ARSG: variants seen among roughly 807,000 people sequenced by gnomAD.
ARSG encodes arylsulfatase G.
In ARSG, 37 loss-of-function variants were observed where a neutral mutation model predicts 50.5. That is an observed-to-expected ratio of 0.73 (90% CI 0.56 to 0.96). ARSG has a LOEUF of 0.96. Among genes scored for constraint, ARSG ranks in the 50% least tolerant of loss-of-function variants. ARSG has a pLI of 0.00. For missense variants in ARSG, 629 were observed against 675.3 expected (o/e 0.93, Z 0.76); for synonymous variants, 225 against 254.6 (o/e 0.88, Z 1.11).
chr17:68,424,601 T>C, downstream of ARSG: 1 of 476,976 alleles, frequency 2.1e-6, no homozygotes, highest in Non-Finnish European at 4.3e-6. Flanking sequence ...TCCGGCCGGG[T>C]GCGGCGGTTC....
chr17:68,337,748 G>C (rs1017015245), intron 2 of ARSG, among the ~76,000 whole-genome samples: 1 of 152,126 alleles, frequency 6.6e-6, no homozygotes, highest in Non-Finnish European at 1.5e-5. Context: ...CTCCCGAGTA[G>C]CTGAGACTAC....
rs2080447474 is a variant in ARSG, at chr17:68,381,839, G to T, written c.983-3225G>T. 6.6e-6 allele frequency among the ~76,000 whole-genome samples: 1 copy of T among 152,128 alleles called. No homozygotes were observed. Among genetic ancestry groups the T allele is most frequent in the African/African-American group, 2.4e-5 (1 of 41,406 alleles). ...ACTTTGGCATGCGTATTTTTTAAAA[G>T]CTCTCCAGTGATTCTAATACATATT... is the stretch of plus-strand genomic sequence containing the variant. On this transcript the variant is annotated intron_variant, in intron 8 of 11. Transcript: ENST00000621439. The surrounding 1 kb of genome is among the most constrained non-coding windows in gnomAD (Gnocchi z 4.1).
At chr17:68,270,755 G>A (rs2075312776) in intron 1 of ARSG, 4 of 1,268,880 alleles carry the variant, frequency 3.2e-6, no homozygotes, top group Non-Finnish European at 3.3e-6. Context: ...ACGGCAGTAA[G>A]TTTTTTTTAT....
chr17:68,289,162 A>T (rs1264500723), upstream of ARSG, among the ~76,000 whole-genome samples: 1 of 152,178 alleles, frequency 6.6e-6, no homozygotes, highest in Non-Finnish European at 1.5e-5. Context: ...CCCGGGCAAC[A>T]TAGTGAGGCT....
At chr17:68,350,108 A>T (rs2078691553) in intron 4 of ARSG, among the ~76,000 whole-genome samples, 1 of 152,158 alleles carries the variant, frequency 6.6e-6, no homozygotes, top group Admixed American at 6.5e-5. Flanking sequence ...GAAACTTCAC[A>T]CTCAAACTGG....
rs782197730 is a variant in ARSG, at chr17:68,271,083, A to C, written c.-552+11657A>C. 37 of 1,614,202 alleles carry C rather than the reference A, an allele frequency of 2.3e-5. No individual in the cohort carries two copies. The highest frequency in any genetic ancestry group is 3.0e-5 in the Non-Finnish European group (35 of 1,180,042). ...AGATGACGCAGATGAGCTCAATGTA[A>C]ATCTTACGAATGGGCTCCCTGTTGA... is the stretch of plus-strand genomic sequence containing the variant. On this transcript the variant is annotated intron_variant, in intron 1 of 11. Transcript: ENST00000448504. This position sits in a 1 kb window ranked among gnomAD's most constrained non-coding sequence, Gnocchi z 5.3.
chr17:68,288,005 T>G (rs1331204093), upstream of ARSG, among the ~76,000 whole-genome samples: 492 of 149,962 alleles, frequency 3.3e-3, 2 homozygotes, highest in African/African-American at 0.012. Context: ...TTTTTTTTTT[T>G]TGGGGGTTGG....
At chr17:68,407,084 A>G (rs959409920) in intron 11 of ARSG, among the ~76,000 whole-genome samples, 1 of 152,184 alleles carries the variant, frequency 6.6e-6, no homozygotes, top group African/African-American at 2.4e-5. Flanking sequence ...ATTCTCCTAC[A>G]TGTGGCTAGC....
chr17:68,334,055 G>A (rs1182719424), intron 2 of ARSG, among the ~76,000 whole-genome samples: 6 of 152,150 alleles, frequency 3.9e-5, no homozygotes, highest in East Asian at 1.9e-4. Flanking sequence ...CCGGGGTGGC[G>A]CCAGGAGCTC....
intron 2 of ARSG, among the ~76,000 whole-genome samples, chr17:68,322,346 TGGCCG>T (rs1235748082): frequency 6.6e-6 from 1 of 152,148 alleles, no homozygotes; most frequent in African/African-American, 2.4e-5. Context: ...GTACGATAGC[TGGCCG>T]GGCGCGGTGG....
chr17:68,281,174 A>G (rs1489705054), intron 1 of ARSG, among the ~76,000 whole-genome samples: 4 of 152,102 alleles, frequency 2.6e-5, no homozygotes, highest in Non-Finnish European at 5.9e-5. Context: ...AGGGTAGACA[A>G]TATTTGCAAA....
intron 1 of ARSG, among the ~76,000 whole-genome samples, chr17:68,275,858 C>T (rs999638037): frequency 6.6e-6 from 1 of 151,690 alleles, no homozygotes; most frequent in Non-Finnish European, 1.5e-5. Context: ...TGGCAGGTGC[C>T]TGTAATCCCA....
chr17:68,361,965 C>T (rs1487386939), intron 6 of ARSG, among the ~76,000 whole-genome samples: 1 of 151,962 alleles, frequency 6.6e-6, no homozygotes, highest in Admixed American at 6.6e-5. Flanking sequence ...ACAACAAAAC[C>T]CAAAAAACAG....
intron 1 of ARSG, among the ~76,000 whole-genome samples, chr17:68,303,683 C>T (rs2076503992): frequency 2.0e-5 from 3 of 152,010 alleles, no homozygotes; most frequent in Admixed American, 2.0e-4. Context: ...CTCCTGACCT[C>T]AGGTGATCTG....
chr17:68,443,901 T>C, the ARSG span, among the ~76,000 whole-genome samples: 4 of 152,250 alleles, frequency 2.6e-5, no homozygotes, highest in African/African-American at 9.6e-5. Context: ...TGAATTCATA[T>C]AATGTCATCT....
intron 1 of ARSG, chr17:68,270,921 C>G: frequency 6.2e-7 from 1 of 1,614,188 alleles, no homozygotes; most frequent in Non-Finnish European, 8.5e-7. Flanking sequence ...TCTCAATGCC[C>G]ACGACATCAT....
intron 3 of ARSG, chr17:68,346,847 C>T: frequency 7.2e-7 from 1 of 1,390,766 alleles, no homozygotes. Context: ...CTTTGAGGGG[C>T]AGAGGCTCAG....
At chr17:68,323,784 A>G (rs1163237306) in intron 2 of ARSG, among the ~76,000 whole-genome samples, 2 of 152,172 alleles carry the variant, frequency 1.3e-5, no homozygotes, top group Non-Finnish European at 2.9e-5. Context: ...TCAAAGATCA[A>G]TCCACAGGCT....
chr17:68,330,976 TGC>T (rs778493104), intron 2 of ARSG, among the ~76,000 whole-genome samples: 2 of 14,634 alleles, frequency 1.4e-4, no homozygotes, highest in Non-Finnish European at 5.0e-4. Context: ...TCTTTTTTTT[TGC>T]GGGGGGGGGG....
Sources: allele counts gnomAD v4.1 joint callset (sites outside exome capture counted in the v4.1 genomes callset), GRCh38; gene constraint gnomAD v4.1.1; non-coding constraint Gnocchi (gnomAD v3.1); transcripts MANE v1.5; gene names NCBI Gene and HGNC (gene_info 2026-07-23, HGNC 2026-07-21).